ATPSCKMT: variants seen among roughly 807,000 people sequenced by gnomAD.
The protein encoded by ATPSCKMT is ATP synthase subunit C lysine N-methyltransferase.
Under a neutral mutation model 24.3 loss-of-function variants are expected in ATPSCKMT, and 24 were observed. The ratio of observed to expected loss-of-function variants is 0.99; its 90% CI spans 0.71 to 1.39. The LOEUF (loss-of-function observed/expected upper bound fraction) is 1.39. Among genes scored for constraint, ATPSCKMT ranks in the 40% most tolerant of loss-of-function variants. ATPSCKMT has a pLI of 0.00. For missense variants in ATPSCKMT, 311 were observed against 298.4 expected (o/e 1.04, Z -0.31); for synonymous variants, 95 against 110.5 (o/e 0.86, Z 0.88).
At position 10,227,459 on chromosome 5, in the gene ATPSCKMT, C is replaced by A; in HGVS notation, c.684G>T (p.Gln228His). The A allele has an allele frequency of 6.2e-7, 1 of 1,614,154 alleles. No individual in the cohort carries two copies. The highest frequency in any genetic ancestry group is 8.5e-7 in the Non-Finnish European group (1 of 1,180,048). ...EKRPCTSMHF[Q>H]LPIQA ...GTCAAGTTTATGCTTGAATGGGCAG[C>A]TGGAAATGCATCGATGTACAGGGCC... Residue 228 changes from glutamine to histidine, a missense_variant, in exon 5 of 5, where the codon CAG becomes CAT. Gln to His is a conservative substitution (Grantham distance 24, BLOSUM62 0). Coordinates refer to ENST00000511437, the MANE Select transcript of ATPSCKMT (RefSeq NM_199133.4).
At chr5:10,234,919 AACTACATT>A (rs1001091862) in intron 4 of ATPSCKMT, among the ~76,000 whole-genome samples, 10 of 152,240 alleles carry the variant, frequency 6.6e-5, no homozygotes, top group African/African-American at 2.2e-4. Context: ...GAAAACTGCA[AACTACATT>A]AGACACGGGA....
At chr5:10,249,805 G>T in intron 1 of ATPSCKMT, 53 bp downstream of exon 1, 1 of 664,078 alleles carries the variant, frequency 1.5e-6, no homozygotes, top group Non-Finnish European at 2.4e-6. Flanking sequence ...CCCCCGGCCC[G>T]CCCGCACCCC....
intron 4 of ATPSCKMT, among the ~76,000 whole-genome samples, chr5:10,228,588 C>T (rs1579417327): frequency 1.3e-5 from 2 of 152,174 alleles, no homozygotes; most frequent in African/African-American, 4.8e-5. Context: ...TTTTTTTCTA[C>T]TTTCTTCTTT....
In ATPSCKMT at chr5:10,235,257, G is replaced by C. The variant is rs774078081; in HGVS notation, c.449C>G (p.Thr150Ser). The C allele has an allele frequency of 6.2e-7, 1 of 1,613,130 alleles. No homozygotes were observed. Among genetic ancestry groups the C allele is most frequent in the Admixed American group, 1.7e-5 (1 of 60,020 alleles). Reference sequence around the variant, plus strand: ...AACAACGTTCGAGTACTGCGAAAAAGTAACCTGAACAAGGTGGGAAAATAA... The same window carrying C: ...AACAACGTTCGAGTACTGCGAAAAACTAACCTGAACAAGGTGGGAAAATAA... ...KFYISDLWKV[T>S]FSQYSNVVIF... is the part of the protein sequence containing the mutation. The change falls in exon 4 of 5, where the codon ACT (threonine) becomes AGT (serine). Residue 150 changes from threonine to serine, a missense_variant. Coordinates refer to ENST00000511437, the MANE Select transcript of ATPSCKMT (RefSeq NM_199133.4).
intron 1 of ATPSCKMT, chr5:10,249,419 T>C: frequency 5.2e-6 from 1 of 192,986 alleles, no homozygotes; most frequent in Admixed American, 6.0e-5. Context: ...ACCGTTCTCC[T>C]TGAATCTCAC....
chr5:10,237,922 T>G (rs925161965), intron 2 of ATPSCKMT, among the ~76,000 whole-genome samples: 5 of 152,078 alleles, frequency 3.3e-5, no homozygotes, highest in Non-Finnish European at 7.4e-5. Flanking sequence ...AATTTTTGTA[T>G]TTTTAGTAGA....
At position 10,235,294 on chromosome 5, in the gene ATPSCKMT, A is replaced by C. The variant is rs376120999; in HGVS notation, c.445-33T>G. 6.7e-5 allele frequency: 107 copies of C among 1,594,972 alleles called. No individual in the cohort carries two copies. In the South Asian group the frequency reaches 9.6e-4, roughly 14 times the overall value. The stretch of plus-strand genomic sequence containing the variant: ...AGGTGGGAAAATAATCAGTAGATTA[A>C]GTGCAAAAAGCCAAACGTGAAGCTT... On this transcript the variant is annotated intron_variant, in intron 3 of 4. Coordinates refer to ENST00000511437, the MANE Select transcript of ATPSCKMT (RefSeq NM_199133.4).
rs75682146 is a variant in ATPSCKMT at position 10,240,298 on chromosome 5, G to A, written c.17-942C>T. Reference sequence around the variant, plus strand: ...AGTACTATCATAAACATAAAATAACGCAGACCCCAATCACTGATTACAAAG... The same window carrying A: ...AGTACTATCATAAACATAAAATAACACAGACCCCAATCACTGATTACAAAG... On this transcript the variant is annotated intron_variant, in intron 1 of 4. Transcript: ENST00000511437. Among the ~76,000 whole-genome samples, 1,440 of 151,942 alleles carry A rather than the reference G, an allele frequency of 9.5e-3. 26 individuals are homozygous for A. The highest frequency in any genetic ancestry group is 0.033 in the African/African-American group (1,349 of 41,440).
At chr5:10,243,322 A>G (rs1312628547) in intron 1 of ATPSCKMT, among the ~76,000 whole-genome samples, 1 of 152,138 alleles carries the variant, frequency 6.6e-6, no homozygotes, top group Non-Finnish European at 1.5e-5. Flanking sequence ...AGTCTCTACT[A>G]AAAATACAAA....
chr5:10,227,129 T>G lies in ATPSCKMT; in HGVS notation c.*312A>C, dbSNP rs1743913871. ...TTCTCCTTATCGAGGCATTAAGCCA[T>G]ATTGTTTATAATGTGAAGAGCTATT... On this transcript the variant is annotated 3_prime_UTR_variant, in exon 5 of 5. Coordinates refer to ENST00000511437, the MANE Select transcript of ATPSCKMT (RefSeq NM_199133.4). 1 of 340,686 alleles carries G rather than the reference T, an allele frequency of 2.9e-6. No individual in the cohort carries two copies. Among genetic ancestry groups the G allele is most frequent in the South Asian group, 3.1e-5 (1 of 32,364 alleles). The allele number at this position is 340,686 out of a possible 1,614,324, so 21.1% of individuals were successfully genotyped here.
At chr5:10,230,953 C>T (rs1222131741) in intron 4 of ATPSCKMT, among the ~76,000 whole-genome samples, 5 of 152,066 alleles carry the variant, frequency 3.3e-5, no homozygotes, top group Non-Finnish European at 5.9e-5. Context: ...GCCCAACAAA[C>T]CTACATCTCC....
chr5:10,246,419 G>A (rs1167877525), intron 1 of ATPSCKMT, among the ~76,000 whole-genome samples: 1 of 149,728 alleles, frequency 6.7e-6, no homozygotes, highest in Non-Finnish European at 1.5e-5. Context: ...CTCCAGCCTG[G>A]GAGACAGAAC....
At position 10,227,508 on chromosome 5, in the gene ATPSCKMT, C is replaced by T; in HGVS notation, c.635G>A (p.Ser212Asn). ...GIDTVWAYDA[S>N]TFRGREKRPC... ...CCTCTTTTCACGGCCTCTAAAAGTG[C>T]TTGCATCATATGCCCACACTGTGTC... is the stretch of plus-strand genomic sequence containing the variant. Residue 212 changes from serine (S) to asparagine (N), a missense_variant, in exon 5 of 5, where the codon AGC (serine) becomes AAC (asparagine). Physicochemically the swap from Ser to Asn is conservative, Grantham distance 46. Transcript: ENST00000511437. 1 of 1,614,182 alleles carries T rather than the reference C, an allele frequency of 6.2e-7. No individual in the cohort carries two copies. The highest frequency in any genetic ancestry group is 8.5e-7 in the Non-Finnish European group (1 of 1,180,040).
At chr5:10,236,639 T>C (rs1314770898) in intron 2 of ATPSCKMT, 24 bp from the exon 3 acceptor site, 2 of 1,604,786 alleles carry the variant, frequency 1.2e-6, no homozygotes, top group Non-Finnish European at 1.7e-6. Context: ...CAGGATTTAT[T>C]CAAAATAAGA....
chr5:10,228,184 C>T (rs1221747843), intron 4 of ATPSCKMT, among the ~76,000 whole-genome samples: 2 of 152,136 alleles, frequency 1.3e-5, no homozygotes, highest in Non-Finnish European at 2.9e-5. Context: ...AATCAGGACA[C>T]ATCACACAAC....
rs769925589 is a variant in ATPSCKMT at position 10,239,210 on chromosome 5, C to T, written c.163G>A (p.Ala55Thr). 6.2e-7 allele frequency: 1 copy of T among 1,614,196 alleles called. No homozygotes were observed. The highest frequency in any genetic ancestry group is 2.2e-5 in the East Asian group (1 of 44,884). ...GGTLVAVYAV[A>T]TPFVTPALRK... Reference sequence around the variant, plus strand: ...AGGGCTGGCGTTACAAACGGCGTGGCTACAGCGTACACAGCCACCAGGGTG... The same window carrying T: ...AGGGCTGGCGTTACAAACGGCGTGGTTACAGCGTACACAGCCACCAGGGTG... Residue 55 changes from alanine (A) to threonine (T), a missense_variant, in exon 2 of 5, where the codon GCC becomes ACC. Ala to Thr is a moderately conservative substitution (Grantham distance 58). Transcript: ENST00000511437.
rs201120944 is a variant in ATPSCKMT, at chr5:10,239,183, G to C, written c.190C>G (p.Arg64Gly). The C allele has an allele frequency of 6.2e-7, 1 of 1,613,996 alleles. No individual in the cohort carries two copies. The highest frequency in any genetic ancestry group is 8.5e-7 in the Non-Finnish European group (1 of 1,180,042). Reference sequence around the variant, plus strand: ...GGTACAAACGGCAAACAGACTTTTCGAAGGGCTGGCGTTACAAACGGCGTG... The same window carrying C: ...GGTACAAACGGCAAACAGACTTTTCCAAGGGCTGGCGTTACAAACGGCGTG... ...VATPFVTPAL[R>G]KVCLPFVPAT... The change falls in exon 2 of 5, where the codon CGA becomes GGA. Residue 64 changes from arginine (R) to glycine (G), a missense_variant. Transcript: ENST00000511437.
intron 1 of ATPSCKMT, among the ~76,000 whole-genome samples, chr5:10,244,071 G>C (rs1010763256): frequency 1.3e-5 from 2 of 152,164 alleles, no homozygotes; most frequent in African/African-American, 2.4e-5. Flanking sequence ...TAATTTCAAT[G>C]TTGTTGTGTC....
chr5:10,240,452 G>A (rs557826676), intron 1 of ATPSCKMT, among the ~76,000 whole-genome samples: 1 of 152,168 alleles, frequency 6.6e-6, no homozygotes, highest in East Asian at 1.9e-4. Flanking sequence ...GCACAGTACA[G>A]GAGGTAAAAG....
Sources: gnomAD v4.1 joint callset for allele counts (sites outside exome capture counted in the v4.1 genomes callset) on GRCh38, gnomAD v4.1.1 for gene constraint, MANE v1.5 for transcripts, NCBI Gene and HGNC (gene_info 2026-07-23, HGNC 2026-07-21) for gene names.